The following FRMD4A variants were observed in gnomAD, a reference collection of about 807,000 sequenced individuals.
FRMD4A encodes the protein FERM domain-containing protein 4A.
A neutral mutation model predicts 129.1 loss-of-function variants in FRMD4A; 29 were observed. That is an observed-to-expected ratio of 0.22 (90% confidence interval 0.17 to 0.31). The LOEUF (loss-of-function observed/expected upper bound fraction) is 0.31, where lower values mean the gene tolerates loss of function less well. Among genes scored for constraint, FRMD4A ranks in the 10% least tolerant of loss-of-function variants. The pLI, the probability that FRMD4A is intolerant of heterozygous loss-of-function variation, is 1.00. For synonymous variants in FRMD4A, 634 were observed against 571.6 expected (o/e 1.11, Z -1.56); for missense variants, 1,272 against 1,375.8 (o/e 0.92, Z 1.19).
rs764118790 is a variant in FRMD4A at position 13,923,005 on chromosome 10, GA to G, written c.46-64094del. Among the ~76,000 whole-genome samples the G allele has an allele frequency of 5.4e-3, 826 of 152,148 alleles. 7 individuals carry two copies. Among genetic ancestry groups the G allele is most frequent in the Non-Finnish European group, 5.9e-3 (400 of 67,986 alleles). On this transcript the variant is annotated intron_variant, in intron 2 of 24. Transcript: ENST00000357447. Reference sequence around the variant, plus strand: ...TGTAAGAAGTGAGAAAATGGGATGAGAAAAAAATGTGCTCAGTCCATAATGA... The same window carrying G: ...TGTAAGAAGTGAGAAAATGGGATGAGAAAAAATGTGCTCAGTCCATAATGA...
At chr10:13,658,738 C>T (rs1318494841) in intron 21 of FRMD4A, among the ~76,000 whole-genome samples, 2 of 152,060 alleles carry the variant, frequency 1.3e-5, no homozygotes, top group Non-Finnish European at 2.9e-5. Context: ...AAAAATTAGC[C>T]AGGCGTGGTG....
chr10:14,228,527 T>C (rs770722338), intron 2 of FRMD4A, among the ~76,000 whole-genome samples: 7 of 152,216 alleles, frequency 4.6e-5, no homozygotes, highest in Non-Finnish European at 1.0e-4. Flanking sequence ...AAGCAAAAAG[T>C]TATTGTCCAA....
chr10:13,952,213 G>T (rs1588508233), intron 2 of FRMD4A, among the ~76,000 whole-genome samples: 2 of 150,720 alleles, frequency 1.3e-5, no homozygotes. Context: ...AAATGGAGTG[G>T]CTGCCTGGGC....
intron 2 of FRMD4A, among the ~76,000 whole-genome samples, chr10:14,003,155 C>A (rs1020437460): frequency 6.6e-6 from 1 of 152,146 alleles, no homozygotes; most frequent in African/African-American, 2.4e-5. Flanking sequence ...GAGAAGGCAA[C>A]ACGCAGGCAA....
intron 8 of FRMD4A, among the ~76,000 whole-genome samples, chr10:13,754,737 AT>A (rs1404798473): frequency 6.6e-6 from 1 of 152,128 alleles, no homozygotes; most frequent in Non-Finnish European, 1.5e-5. Flanking sequence ...CAACAGGGAA[AT>A]TTGAAAGTTT....
intron 2 of FRMD4A, among the ~76,000 whole-genome samples, chr10:14,219,652 T>G (rs927383400): frequency 1.7e-4 from 26 of 152,110 alleles, no homozygotes. Context: ...GTTTTGTTTT[T>G]CAAGACATGA....
chr10:14,222,359 C>T (rs757250611), intron 2 of FRMD4A, among the ~76,000 whole-genome samples: 6 of 152,152 alleles, frequency 3.9e-5, no homozygotes, highest in East Asian at 3.9e-4. Flanking sequence ...TGCTCTCTAG[C>T]GTGCGAAATG....
In FRMD4A at chr10:13,656,721, G is replaced by A; in HGVS notation, c.2868C>T (p.Gly956=). The A allele has an allele frequency of 6.3e-7, 1 of 1,589,468 alleles. No individual in the cohort carries two copies. The highest frequency in any genetic ancestry group is 8.6e-7 in the Non-Finnish European group (1 of 1,169,232). ...TCTGGGAGGAGGTGCTGTACTGCGA[G>A]CCGCTGTCCGAGGAGGTGGAGCTGG... The part of the protein sequence containing the change: ...SHTSSTSSDS[G]SQYSTSSQST... The change falls in exon 22 of 25, where the codon GGC becomes GGT. Residue 956 remains glycine (G), a synonymous_variant. Coordinates refer to ENST00000357447, the MANE Select transcript of FRMD4A (RefSeq NM_018027.5).
chr10:14,011,047 T>C lies in FRMD4A; in HGVS notation c.46-152135A>G, dbSNP rs117983889. 5.5e-3 allele frequency among the ~76,000 whole-genome samples: 835 copies of C among 152,266 alleles called. 34 individuals are homozygous for C. The highest frequency in any genetic ancestry group is 0.044 in the Admixed American group (670 of 15,292). On this transcript the variant is annotated intron_variant, in intron 2 of 24. Transcript: ENST00000357447. ...TGGTGCTCAGAGGGGCTTAGTAAGTTGGCCAAGGCAGCACAGCTAGAAATG... is the reference window on the plus strand; with the variant it reads ...TGGTGCTCAGAGGGGCTTAGTAAGTCGGCCAAGGCAGCACAGCTAGAAATG...
chr10:14,299,208 C>A (rs542324791), intron 2 of FRMD4A, among the ~76,000 whole-genome samples: 1 of 152,170 alleles, frequency 6.6e-6, no homozygotes, highest in African/African-American at 2.4e-5. Context: ...TGGAAAACTT[C>A]TTGTCAAAGT....
At chr10:14,025,019 C>T (rs959003594) in intron 2 of FRMD4A, among the ~76,000 whole-genome samples, 2 of 152,198 alleles carry the variant, frequency 1.3e-5, no homozygotes, top group South Asian at 2.1e-4. Flanking sequence ...TTGTAGAGAA[C>T]GTATCAGACC....
At chr10:13,719,335 GTCTACGAT>G (rs2089186117) in intron 12 of FRMD4A, among the ~76,000 whole-genome samples, 1 of 152,272 alleles carries the variant, frequency 6.6e-6, no homozygotes, top group East Asian at 1.9e-4. Flanking sequence ...AACTGGGGAA[GTCTACGAT>G]TCCAGCAGCT....
chr10:14,246,914 G>A (rs1184585312), intron 2 of FRMD4A, among the ~76,000 whole-genome samples: 2 of 152,120 alleles, frequency 1.3e-5, no homozygotes, highest in Admixed American at 6.5e-5. Flanking sequence ...CAAGGAAGGG[G>A]TAATCACCCG....
At chr10:14,001,749 G>C (rs1459662611) in intron 2 of FRMD4A, among the ~76,000 whole-genome samples, 1 of 152,200 alleles carries the variant, frequency 6.6e-6, no homozygotes, top group Admixed American at 6.5e-5. Context: ...TTTCTCCAGA[G>C]AGGCGTATAT....
At chr10:14,329,936 G>T in intron 2 of FRMD4A, 122 bp downstream of exon 2, 1 of 876,702 alleles carries the variant, frequency 1.1e-6, no homozygotes, top group Non-Finnish European at 1.8e-6. Context: ...CAAAGAGCCT[G>T]CGGGATAAAG....
chr10:13,835,887 C>T (rs1281434403), intron 3 of FRMD4A, among the ~76,000 whole-genome samples: 1 of 152,174 alleles, frequency 6.6e-6, no homozygotes, highest in Non-Finnish European at 1.5e-5. Context: ...TCAAACAGGT[C>T]CCTGGTGCCA....
chr10:13,849,778 C>T (rs150460679), intron 3 of FRMD4A, among the ~76,000 whole-genome samples: 1,789 of 151,848 alleles, frequency 0.012, 15 homozygotes, highest in Middle Eastern at 0.017. Context: ...AGCACCTGGC[C>T]ATCTCTTGCA....
At chr10:14,177,669 G>A (rs899818502) in intron 2 of FRMD4A, among the ~76,000 whole-genome samples, 1 of 152,164 alleles carries the variant, frequency 6.6e-6, no homozygotes, top group Admixed American at 6.5e-5. Flanking sequence ...CTGATTGCAT[G>A]TTTAAGGCCG....
At chr10:14,163,619 C>A (rs1423189563) in intron 2 of FRMD4A, among the ~76,000 whole-genome samples, 1 of 152,190 alleles carries the variant, frequency 6.6e-6, no homozygotes, top group African/African-American at 2.4e-5. Flanking sequence ...GTTACGAGCA[C>A]TTAATAAATC....
Sources: allele counts gnomAD v4.1 joint callset (sites outside exome capture counted in the v4.1 genomes callset), GRCh38; gene constraint gnomAD v4.1.1; transcripts MANE v1.5; gene names NCBI Gene and HGNC (gene_info 2026-07-23, HGNC 2026-07-21).